Variants in GRIP2 observed in about 807,000 individuals in gnomAD.
GRIP2 encodes glutamate receptor interacting protein 2.
Under a neutral mutation model 108.3 loss-of-function variants are expected in GRIP2, and 58 were observed. The ratio of observed to expected loss-of-function variants is 0.54; its 90% CI spans 0.43 to 0.67. The LOEUF (loss-of-function observed/expected upper bound fraction) is 0.67, where lower values mean the gene tolerates loss of function less well. Ranked by LOEUF, GRIP2 falls within the 30% of genes least tolerant of loss-of-function variation. The probability of loss-of-function intolerance (pLI) is 0.00; values close to 1 mark genes in which losing one functional copy is unlikely to be tolerated. For missense variants in GRIP2, 1,278 were observed against 1,430.6 expected, an observed-to-expected ratio of 0.89 and a Z score of 1.72; for synonymous variants, 586 against 598.2, an observed-to-expected ratio of 0.98 and a Z score of 0.30.
In GRIP2 at chr3:14,505,886, G is replaced by A. The variant is rs1480969367; in HGVS notation, c.2399-97C>T. The A allele has an allele frequency of 2.3e-5, 27 of 1,175,956 alleles. No individual in the cohort carries two copies. Among genetic ancestry groups the A allele is most frequent in the African/African-American group, 3.2e-5 (2 of 62,918 alleles). The allele number at this position is 1,175,956 out of a possible 1,614,324, so 72.8% of individuals were successfully genotyped here. ...TGTGCTGAGTGACCCTGGGGAGGTC[G>A]TTGCTCCTCTCTGGGCCTGCATCTA... is the stretch of plus-strand genomic sequence containing the variant. On this transcript the variant is annotated intron_variant, in intron 19 of 23. Coordinates refer to ENST00000621039, the MANE Select transcript of GRIP2 (RefSeq NM_001080423.4). The surrounding 1 kb of genome is among the most constrained non-coding windows in gnomAD (Gnocchi z 4.2).
chr3:14,496,664 G>A, intron 21 of GRIP2, 104 bp from the exon 22 acceptor site: 1 of 1,455,322 alleles, frequency 6.9e-7, no homozygotes, highest in Non-Finnish European at 9.2e-7. Context: ...AGGGACAATG[G>A]TGAACAGGAC....
At position 14,525,874 on chromosome 3, in the gene GRIP2, G is replaced by C. The variant is rs753399269; in HGVS notation, c.98C>G (p.Ala33Gly). ...KDAGGADVSL[A>G]CRRQSIPEEF... The stretch of plus-strand genomic sequence containing the variant: ...ACCTGGAATGCTCTGTCTGCGGCAC[G>C]CCAGGGAAACGTCGGCCCCTCCTGC... Residue 33 changes from alanine to glycine, a missense_variant, in exon 2 of 24, where the codon GCG becomes GGG. Transcript: ENST00000621039. The C allele has an allele frequency of 3.8e-6, 6 of 1,560,194 alleles. No homozygotes were observed. Among genetic ancestry groups the C allele is most frequent in the Non-Finnish European group, 3.5e-6 (4 of 1,151,918 alleles).
In GRIP2 at chr3:14,512,786, T is replaced by G. The variant is rs1575003872; in HGVS notation, c.1711A>C (p.Thr571Pro). Residue 571 changes from threonine (T) to proline (P), a missense_variant, in exon 14 of 24, where the codon ACC becomes CCC. By Grantham distance (38) the Thr-to-Pro change is conservative (BLOSUM62 -1). Transcript: ENST00000621039. This position sits in a 1 kb window ranked among gnomAD's most constrained non-coding sequence, Gnocchi z 5.1. ...PKKRSVELGITISSASRKRGE... is the reference protein window; with the variant it reads ...PKKRSVELGIPISSASRKRGE... ...GCGGGAGGAGACTCACAGCTGATGGTGATGCCCAGCTCCACGCTGCGCTTC... is the reference window on the plus strand; with the variant it reads ...GCGGGAGGAGACTCACAGCTGATGGGGATGCCCAGCTCCACGCTGCGCTTC... 6.2e-7 allele frequency: 1 copy of G among 1,613,428 alleles called. No individual in the cohort carries two copies. Among genetic ancestry groups the G allele is most frequent in the Non-Finnish European group, 8.5e-7 (1 of 1,179,776 alleles).
the GRIP2 span, among the ~76,000 whole-genome samples, chr3:14,562,929 G>A: frequency 6.6e-6 from 1 of 152,232 alleles, no homozygotes; most frequent in South Asian, 2.1e-4. Flanking sequence ...AGTACAATGG[G>A]GCAGAAGAAT....
the GRIP2 span, among the ~76,000 whole-genome samples, chr3:14,575,376 C>T: frequency 2.6e-5 from 4 of 152,198 alleles, no homozygotes; most frequent in East Asian, 1.9e-4. Context: ...GGGTCTAAGA[C>T]GTCTGCTGAG....
chr3:14,540,474 A>G, upstream of GRIP2: 3 of 1,492,886 alleles, frequency 2.0e-6, no homozygotes, highest in Non-Finnish European at 2.7e-6. The surrounding 1 kb of genome is among the most constrained non-coding windows in gnomAD (Gnocchi z 4.1). Context: ...TAAAGGGGAC[A>G]TGGCTATTGT....
At chr3:14,593,449 G>T in the GRIP2 span, among the ~76,000 whole-genome samples, 1 of 152,170 alleles carries the variant, frequency 6.6e-6, no homozygotes, top group African/African-American at 2.4e-5. Flanking sequence ...CATTTGCTGT[G>T]TGCATCACCA....
chr3:14,493,696 G>T lies in GRIP2; in HGVS notation c.3101C>A (p.Ser1034Ter). ...CATCCGGGGACTGCTGGGGCCTGGC[G>T]ATCGGGGGGCCCGGCTGCTGTGTGC... Reference protein sequence around the residue: ...HTAHSSRAPRSPGPSSPRML With the variant: ...HTAHSSRAPR Residue 1034 changes from serine to a stop codon, truncating the protein, a stop_gained, in exon 24 of 24, where the codon TCG becomes TAG. Coordinates refer to ENST00000621039, the MANE Select transcript of GRIP2 (RefSeq NM_001080423.4). LOFTEE classifies it high-confidence loss of function. 6.2e-7 allele frequency: 1 copy of T among 1,608,034 alleles called. No homozygotes were observed. Among genetic ancestry groups the T allele is most frequent in the Non-Finnish European group, 8.5e-7 (1 of 1,177,606 alleles).
chr3:14,563,693 C>T, the GRIP2 span, among the ~76,000 whole-genome samples: 14 of 152,062 alleles, frequency 9.2e-5, no homozygotes, highest in African/African-American at 2.7e-4. Context: ...CATCAAGCCT[C>T]ACCTTATCAT....
At chr3:14,601,818 T>C in the GRIP2 span, among the ~76,000 whole-genome samples, 1 of 152,142 alleles carries the variant, frequency 6.6e-6, no homozygotes, top group African/African-American at 2.4e-5. Flanking sequence ...CCCACTAGAC[T>C]GAGAGAGGCC....
At chr3:14,551,774 G>A (rs1695153851) in intron 1 of GRIP2, among the ~76,000 whole-genome samples, 1 of 152,190 alleles carries the variant, frequency 6.6e-6, no homozygotes, top group Admixed American at 6.5e-5. Flanking sequence ...GTTTGGACTT[G>A]GAAGTCAGGC....
the GRIP2 span, among the ~76,000 whole-genome samples, chr3:14,585,362 GTTTGA>G: frequency 3.1e-4 from 47 of 152,350 alleles, no homozygotes; most frequent in African/African-American, 1.1e-3. Context: ...TTTTAAAGGT[GTTTGA>G]TTTAATATAT....
intron 21 of GRIP2, among the ~76,000 whole-genome samples, chr3:14,503,294 G>A (rs1000401831): frequency 1.4e-4 from 21 of 152,234 alleles, no homozygotes; most frequent in African/African-American, 5.1e-4. Context: ...ATACACATAT[G>A]CTCCCAATGT....
At chr3:14,568,985 T>G in the GRIP2 span, among the ~76,000 whole-genome samples, 42 of 152,240 alleles carry the variant, frequency 2.8e-4, no homozygotes, top group East Asian at 7.3e-3. Flanking sequence ...GTGGGGGTAA[T>G]GCAGGGAAAA....
intron 4 of GRIP2, chr3:14,523,994 G>T (rs575102938): frequency 2.0e-6 from 1 of 496,802 alleles, no homozygotes; most frequent in East Asian, 3.4e-5. Context: ...ATTCCAGACA[G>T]TTACTCAAAC....
At chr3:14,551,432 GGCCC>G (rs1695146982) in intron 1 of GRIP2, among the ~76,000 whole-genome samples, 1 of 152,180 alleles carries the variant, frequency 6.6e-6, no homozygotes, top group Non-Finnish European at 1.5e-5. Context: ...GACCTCCCCA[GGCCC>G]TGGGCTCCAC....
chr3:14,497,252 C>T (rs1273018556), intron 21 of GRIP2, among the ~76,000 whole-genome samples: 1 of 152,224 alleles, frequency 6.6e-6, no homozygotes, highest in Non-Finnish European at 1.5e-5. Flanking sequence ...CAGGCGTGAG[C>T]CATCATGCCC....
chr3:14,490,041 C>T lies in GRIP2; in HGVS notation c.*3624G>A, dbSNP rs924817181. The T allele has an allele frequency of 2.0e-4, 30 of 152,210 alleles. No homozygotes were observed. The highest frequency in any genetic ancestry group is 7.0e-4 in the African/African-American group (29 of 41,442). 9.4% of individuals were successfully genotyped at this position (152,210 alleles called of 1,614,324 possible). On this transcript the variant is annotated 3_prime_UTR_variant, in exon 24 of 24. Coordinates refer to ENST00000621039, the MANE Select transcript of GRIP2 (RefSeq NM_001080423.4). ...ACTAACCAGACAAAATTCTCAGTAA[C>T]TCATTTATAGACAATGTTAGAATAG...
chr3:14,567,562 G>C, the GRIP2 span, among the ~76,000 whole-genome samples: 1 of 152,332 alleles, frequency 6.6e-6, no homozygotes, highest in East Asian at 1.9e-4. Context: ...GTGATAACAA[G>C]GTCACAACAC....
Sources: gnomAD v4.1 joint callset for allele counts (sites outside exome capture counted in the v4.1 genomes callset) on GRCh38, gnomAD v4.1.1 for gene constraint, Gnocchi (gnomAD v3.1) non-coding constraint, MANE v1.5 for transcripts, NCBI Gene and HGNC (gene_info 2026-07-23, HGNC 2026-07-21) for gene names.